FERRY3: variants seen among roughly 807,000 people sequenced by gnomAD.
The protein encoded by FERRY3 is FERRY endosomal RAB5 effector complex subunit 3.
the FERRY3 span, chr12:4,488,441 A>G: frequency 6.6e-6 from 1 of 152,260 alleles, no homozygotes; most frequent in South Asian, 2.1e-4. The surrounding 1 kb of genome is among the most constrained non-coding windows in gnomAD (Gnocchi z 4.9). Flanking sequence ...TCTAAGGGCA[A>G]AACACCTGCC....
At chr12:4,505,427 AAT>A in the FERRY3 span, 2 of 1,272,796 alleles carry the variant, frequency 1.6e-6, no homozygotes, top group Non-Finnish European at 2.3e-6. Context: ...AACATATGAG[AAT>A]ATGTTACTAT....
At chr12:4,508,192 G>C in the FERRY3 span, among the ~76,000 whole-genome samples, 1 of 152,154 alleles carries the variant, frequency 6.6e-6, no homozygotes, top group Non-Finnish European at 1.5e-5. Context: ...AGGAAGATGG[G>C]AGATGGGAAC....
At chr12:4,530,016 C>G in the FERRY3 span, 4 of 1,612,890 alleles carry the variant, frequency 2.5e-6, no homozygotes, top group Non-Finnish European at 3.4e-6. Context: ...TTCATCCCAG[C>G]TGGGTTCTTC....
the FERRY3 span, chr12:4,487,755 T>TTG: frequency 6.6e-6 from 1 of 152,192 alleles, no homozygotes; most frequent in Non-Finnish European, 1.5e-5. Flanking sequence ...AAAATTTTTA[T>TTG]TGTATTTTTT....
chr12:4,537,120 T>C, the FERRY3 span, among the ~76,000 whole-genome samples: 1 of 152,184 alleles, frequency 6.6e-6, no homozygotes, highest in East Asian at 1.9e-4. Flanking sequence ...AATTCACAAA[T>C]TTTATTTTCC....
chr12:4,487,803 T>A, the FERRY3 span: 1 of 152,132 alleles, frequency 6.6e-6, no homozygotes, highest in Non-Finnish European at 1.5e-5. Context: ...TTGAACAGAG[T>A]GCCATCTGTA....
the FERRY3 span, among the ~76,000 whole-genome samples, chr12:4,524,011 C>G: frequency 2.0e-5 from 3 of 151,670 alleles, no homozygotes; most frequent in Admixed American, 6.6e-5. Flanking sequence ...TTCTGAAACT[C>G]TAGCAGCAAA....
At chr12:4,489,853 T>C in the FERRY3 span, 11 of 1,611,382 alleles carry the variant, frequency 6.8e-6, no homozygotes, top group Non-Finnish European at 9.3e-6. Flanking sequence ...TCGGAAGATC[T>C]GGGGAAGCAT....
the FERRY3 span, among the ~76,000 whole-genome samples, chr12:4,517,675 G>C: frequency 7.0e-6 from 1 of 143,536 alleles, no homozygotes; most frequent in African/African-American, 2.6e-5. Context: ...TTAAGAGGTA[G>C]GTTATTAAAA....
At chr12:4,504,649 A>G in the FERRY3 span, among the ~76,000 whole-genome samples, 3 of 152,342 alleles carry the variant, frequency 2.0e-5, no homozygotes, top group South Asian at 6.2e-4. Context: ...TGTATAGTTT[A>G]TATTTCAGAG....
chr12:4,517,943 C>G, the FERRY3 span: 1 of 809,834 alleles, frequency 1.2e-6, no homozygotes, highest in Non-Finnish European at 1.9e-6. Context: ...GTTTGGTCTA[C>G]TTGGATGTCA....
chr12:4,521,518 C>A, the FERRY3 span, among the ~76,000 whole-genome samples: 1 of 152,086 alleles, frequency 6.6e-6, no homozygotes. Flanking sequence ...AAAACTATAA[C>A]CAACATGTTA....
At chr12:4,522,857 C>T in the FERRY3 span, among the ~76,000 whole-genome samples, 1 of 152,200 alleles carries the variant, frequency 6.6e-6, no homozygotes, top group Non-Finnish European at 1.5e-5. Context: ...ATAAACACAA[C>T]AACTCCAATG....
At chr12:4,522,138 G>A in the FERRY3 span, among the ~76,000 whole-genome samples, 3 of 152,144 alleles carry the variant, frequency 2.0e-5, no homozygotes, top group Non-Finnish European at 4.4e-5. Flanking sequence ...TGATAATGGG[G>A]AAGACTATGC....
the FERRY3 span, among the ~76,000 whole-genome samples, chr12:4,535,780 G>T: frequency 2.6e-5 from 4 of 152,050 alleles, no homozygotes; most frequent in African/African-American, 4.8e-5. The surrounding 1 kb of genome is among the most constrained non-coding windows in gnomAD (Gnocchi z 4.0). Flanking sequence ...TCCAAACTTT[G>T]TAGCTAATTT....
At chr12:4,537,772 G>T in the FERRY3 span, among the ~76,000 whole-genome samples, 1 of 152,070 alleles carries the variant, frequency 6.6e-6, no homozygotes, top group East Asian at 1.9e-4. Context: ...TTTTTATAAT[G>T]TTAGAAAACT....
At chr12:4,508,658 T>C in the FERRY3 span, among the ~76,000 whole-genome samples, 1 of 152,008 alleles carries the variant, frequency 6.6e-6, no homozygotes, top group Non-Finnish European at 1.5e-5. Context: ...GGCACGAGAA[T>C]TGCTTGAGCC....
At chr12:4,533,297 A>C in the FERRY3 span, among the ~76,000 whole-genome samples, 39 of 152,222 alleles carry the variant, frequency 2.6e-4, no homozygotes, top group Admixed American at 2.0e-3. Flanking sequence ...ACAAACAAAC[A>C]AACCTCTGAC....
At chr12:4,534,118 G>A in the FERRY3 span, 3 of 1,518,986 alleles carry the variant, frequency 2.0e-6, no homozygotes, top group African/African-American at 4.2e-5. Context: ...CCAAAATCCA[G>A]AATATCCTTG....
Sources: gnomAD v4.1 joint callset for allele counts (sites outside exome capture counted in the v4.1 genomes callset) on GRCh38, gnomAD v4.1.1 for gene constraint, Gnocchi (gnomAD v3.1) non-coding constraint, MANE v1.5 for transcripts, NCBI Gene and HGNC (gene_info 2026-07-23, HGNC 2026-07-21) for gene names.